ALK: variants seen among roughly 807,000 people sequenced by gnomAD.
The protein encoded by ALK is ALK tyrosine kinase receptor.
Under a neutral mutation model 163.1 loss-of-function variants are expected in ALK, and 74 were observed. That is an observed-to-expected ratio of 0.45 (90% CI 0.38 to 0.55). ALK has a LOEUF of 0.55. Among genes scored for constraint, ALK ranks in the 20% least tolerant of loss-of-function variants. The pLI is 0.00. For synonymous variants in ALK, 960 were observed against 843.2 expected, an observed-to-expected ratio of 1.14 and a Z score of -2.40; for missense variants, 2,063 against 2,105.3, an observed-to-expected ratio of 0.98 and a Z score of 0.39.
intron 3 of ALK, among the ~76,000 whole-genome samples, chr2:29,598,456 G>A (rs1435876999): frequency 6.6e-6 from 1 of 152,168 alleles, no homozygotes; most frequent in Non-Finnish European, 1.5e-5. Flanking sequence ...CTAAGGCATG[G>A]CATGATCCTA....
At chr2:29,797,371 G>A (rs1400107757) in intron 1 of ALK, among the ~76,000 whole-genome samples, 1 of 151,972 alleles carries the variant, frequency 6.6e-6, no homozygotes, top group Non-Finnish European at 1.5e-5. Flanking sequence ...TTTTTCAAAT[G>A]CTTCTCCTTG....
At chr2:29,375,594 G>C (rs1184137471) in intron 5 of ALK, among the ~76,000 whole-genome samples, 1 of 152,154 alleles carries the variant, frequency 6.6e-6, no homozygotes, top group Non-Finnish European at 1.5e-5. Context: ...TGGGATTACA[G>C]GTGTGAGCCA....
intron 3 of ALK, among the ~76,000 whole-genome samples, chr2:29,625,558 T>C (rs1284214506): frequency 4.6e-5 from 7 of 152,226 alleles, no homozygotes; most frequent in Non-Finnish European, 1.0e-4. Context: ...GTAAGTAGTG[T>C]AGACATGTGT....
chr2:29,713,277 ACT>A (rs1296815578), intron 2 of ALK, among the ~76,000 whole-genome samples: 2 of 152,066 alleles, frequency 1.3e-5, no homozygotes, highest in Non-Finnish European at 2.9e-5. Flanking sequence ...GATTGCAAAG[ACT>A]CTATTTCCAA....
chr2:29,634,069 T>C (rs1336542924), intron 3 of ALK, among the ~76,000 whole-genome samples: 1 of 152,116 alleles, frequency 6.6e-6, no homozygotes, highest in East Asian at 1.9e-4. Flanking sequence ...AGAGTCTCAC[T>C]ATGTTGTCCA....
intron 9 of ALK, among the ~76,000 whole-genome samples, chr2:29,292,494 A>G (rs1284491773): frequency 6.6e-6 from 1 of 152,194 alleles, no homozygotes; most frequent in Non-Finnish European, 1.5e-5. Flanking sequence ...ATTCCAGCAG[A>G]AAGAGCAGCA....
At chr2:29,238,410 T>A (rs1664436646) in intron 13 of ALK, among the ~76,000 whole-genome samples, 1 of 152,128 alleles carries the variant, frequency 6.6e-6, no homozygotes, top group Admixed American at 6.5e-5. Context: ...TTGGCCAGGC[T>A]GGTCTCGAAC....
intron 3 of ALK, among the ~76,000 whole-genome samples, chr2:29,616,248 A>G (rs1025588639): frequency 3.3e-5 from 5 of 152,160 alleles, no homozygotes; most frequent in Admixed American, 6.5e-5. Flanking sequence ...GGATTTGAAG[A>G]TAGTCAGGGT....
chr2:29,594,707 G>A (rs1004597677), intron 3 of ALK, among the ~76,000 whole-genome samples: 3 of 151,886 alleles, frequency 2.0e-5, no homozygotes, highest in Non-Finnish European at 2.9e-5. Flanking sequence ...GATTACAGGT[G>A]TGAGCCACTG....
At chr2:29,229,878 C>A (rs905354030) in intron 15 of ALK, among the ~76,000 whole-genome samples, 2 of 152,144 alleles carry the variant, frequency 1.3e-5, no homozygotes, top group Admixed American at 6.5e-5. Context: ...TGGACGATAC[C>A]CTGGCAACAA....
At chr2:29,881,296 G>A (rs1195276334) in intron 1 of ALK, among the ~76,000 whole-genome samples, 2 of 150,980 alleles carry the variant, frequency 1.3e-5, no homozygotes, top group African/African-American at 4.9e-5. Context: ...TCAGTGTAGA[G>A]CTGTTTTACT....
intron 1 of ALK, among the ~76,000 whole-genome samples, chr2:29,897,850 T>C (rs536249002): frequency 6.6e-6 from 1 of 152,248 alleles, no homozygotes; most frequent in African/African-American, 2.4e-5. Flanking sequence ...TTGTGGCCCA[T>C]GTTATATTTC....
chr2:29,233,320 T>G (rs143974489), intron 14 of ALK, among the ~76,000 whole-genome samples: 48 of 152,278 alleles, frequency 3.2e-4, no homozygotes, highest in Admixed American at 4.6e-4. Context: ...TTTTTAAATT[T>G]TTTTTGGTAG....
intron 2 of ALK, among the ~76,000 whole-genome samples, chr2:29,705,278 T>TATATATATAA (rs1295930620): frequency 2.2e-5 from 1 of 44,982 alleles, no homozygotes; most frequent in Non-Finnish European, 3.9e-5. Context: ...TATATATATA[T>TATATATATAA]ATAAATATAT....
chr2:29,648,416 T>C (rs1676947505), intron 3 of ALK, among the ~76,000 whole-genome samples: 1 of 152,138 alleles, frequency 6.6e-6, no homozygotes, highest in Admixed American at 6.5e-5. Flanking sequence ...ACATTCACAG[T>C]CCTGTGCAAC....
At chr2:29,527,377 G>A (rs1263525823) in intron 4 of ALK, among the ~76,000 whole-genome samples, 2 of 152,154 alleles carry the variant, frequency 1.3e-5, no homozygotes, top group African/African-American at 2.4e-5. Flanking sequence ...TGGGGAGGGT[G>A]GCTGCAGATT....
chr2:29,621,109 G>C (rs1316027423), intron 3 of ALK, among the ~76,000 whole-genome samples: 1 of 152,138 alleles, frequency 6.6e-6, no homozygotes, highest in Non-Finnish European at 1.5e-5. Context: ...GAGGGGGAGA[G>C]ATTCACAGGC....
intron 4 of ALK, among the ~76,000 whole-genome samples, chr2:29,399,300 T>A (rs185204950): frequency 5.7e-4 from 87 of 152,330 alleles, no homozygotes; most frequent in Non-Finnish European, 1.1e-3. Flanking sequence ...CCAACCTAGA[T>A]CTGTCAAATT....
intron 3 of ALK, among the ~76,000 whole-genome samples, chr2:29,650,998 G>T (rs578030149): frequency 5.9e-5 from 9 of 152,104 alleles, no homozygotes; most frequent in Non-Finnish European, 1.0e-4. Flanking sequence ...GTCGCCGCAC[G>T]GTGACTTGGA....
Sources: gnomAD v4.1 joint callset for allele counts (sites outside exome capture counted in the v4.1 genomes callset) on GRCh38, gnomAD v4.1.1 for gene constraint, MANE v1.5 for transcripts, NCBI Gene and HGNC (gene_info 2026-07-23, HGNC 2026-07-21) for gene names.